PDE4D: variants seen among roughly 807,000 people sequenced by gnomAD.
PDE4D encodes the protein phosphodiesterase 4D.
PDE4D carries 24 observed loss-of-function variants against 87.4 expected under a neutral mutation model. The ratio of observed to expected loss-of-function variants is 0.27; its 90% CI spans 0.20 to 0.39. The LOEUF is 0.39. Among genes scored for constraint, PDE4D ranks in the 10% least tolerant of loss-of-function variants. The pLI is 1.00. For missense variants in PDE4D, 714 were observed against 1,041.0 expected, an observed-to-expected ratio of 0.69 and a Z score of 4.32; for synonymous variants, 384 against 383.2, an observed-to-expected ratio of 1.00 and a Z score of -0.02.
intron 1 of PDE4D, among the ~76,000 whole-genome samples, chr5:59,717,210 G>C (rs528157433): frequency 6.6e-6 from 1 of 152,240 alleles, no homozygotes; most frequent in African/African-American, 2.4e-5. Flanking sequence ...CCTGCATCCA[G>C]CCTTCATTTA....
rs565027985 is a variant in PDE4D, at chr5:59,998,038, G to C, written c.43-9321C>G. 2.0e-5 allele frequency among the ~76,000 whole-genome samples: 3 copies of C among 152,290 alleles called. No homozygotes were observed. In the South Asian group the frequency reaches 6.2e-4, roughly 32 times the overall value. ...CTCCAGCCTTGCTTCAGACAAAAAA[G>C]AATGTCTCATGTGGTCTGAGGACTC... On this transcript the variant is annotated intron_variant, in intron 2 of 16. Coordinates refer to the PDE4D transcript ENST00000502484.
Position 59,325,646 on chromosome 5 carries a change from A to G in PDE4D, c.456-109678T>C, listed in dbSNP as rs142254849. ...GTGCTGCAAATGGAACTTATTGTAT[A>G]CTTATAGTTACTTGTAAAATGAGAT... On this transcript the variant is annotated intron_variant, in intron 1 of 14. Coordinates refer to ENST00000340635, the MANE Select transcript of PDE4D (RefSeq NM_001104631.2). Among the ~76,000 whole-genome samples, 407 of 152,296 alleles carry G rather than the reference A, an allele frequency of 2.7e-3. 2 individuals carry two copies. Among genetic ancestry groups the G allele is most frequent in the African/African-American group, 8.7e-3 (361 of 41,576 alleles).
chr5:60,158,924 A>T (rs527941426), intron 2 of PDE4D, among the ~76,000 whole-genome samples: 6 of 152,312 alleles, frequency 3.9e-5, no homozygotes, highest in African/African-American at 1.4e-4. Context: ...ACCTTAGTTT[A>T]TTGTAACATG....
chr5:59,008,730 A>G (rs1390893217), intron 6 of PDE4D, among the ~76,000 whole-genome samples: 1 of 152,110 alleles, frequency 6.6e-6, no homozygotes, highest in Non-Finnish European at 1.5e-5. Flanking sequence ...AAAATGGTAT[A>G]CTGGACTTTA....
intron 3 of PDE4D, chr5:59,988,344 A>AT: frequency 1.9e-6 from 1 of 537,738 alleles, no homozygotes; most frequent in South Asian, 3.3e-5. Flanking sequence ...GTCACCTGAG[A>AT]AATTCATCCT....
chr5:59,362,255 A>G (rs1236366430), intron 1 of PDE4D, among the ~76,000 whole-genome samples: 2 of 152,172 alleles, frequency 1.3e-5, no homozygotes, highest in African/African-American at 4.8e-5. Context: ...ACTGTTAGAA[A>G]CATCTTTAAG....
At chr5:59,234,969 T>C (rs1212735121) in intron 1 of PDE4D, among the ~76,000 whole-genome samples, 4 of 152,178 alleles carry the variant, frequency 2.6e-5, no homozygotes, top group Non-Finnish European at 5.9e-5. Context: ...TTAAAAATCT[T>C]AAAATATGAC....
chr5:59,856,117 T>C (rs1745395416), intron 1 of PDE4D, among the ~76,000 whole-genome samples: 1 of 152,180 alleles, frequency 6.6e-6, no homozygotes. Context: ...AAGAATCATA[T>C]CATTTTTAGC....
chr5:58,992,458 C>T (rs187599573), intron 7 of PDE4D, among the ~76,000 whole-genome samples: 11 of 152,200 alleles, frequency 7.2e-5, no homozygotes, highest in African/African-American at 2.6e-4. Flanking sequence ...GTCATGAAAA[C>T]AGCAGTATAT....
intron 1 of PDE4D, among the ~76,000 whole-genome samples, chr5:60,437,328 G>A (rs1420087531): frequency 6.6e-6 from 1 of 152,114 alleles, no homozygotes; most frequent in African/African-American, 2.4e-5. Flanking sequence ...TTATTCATCT[G>A]TAAGGTACAA....
intron 3 of PDE4D, among the ~76,000 whole-genome samples, chr5:59,902,082 A>G (rs1027475913): frequency 2.0e-5 from 3 of 152,102 alleles, no homozygotes; most frequent in African/African-American, 7.2e-5. Context: ...ATGTTACATC[A>G]GGAAGCCATG....
intron 1 of PDE4D, among the ~76,000 whole-genome samples, chr5:59,261,118 T>A (rs1422891300): frequency 1.3e-5 from 2 of 151,864 alleles, no homozygotes; most frequent in African/African-American, 4.8e-5. Context: ...AATAATTTGA[T>A]ATTTTGTTGT....
chr5:59,676,967 C>T (rs1412975437), intron 1 of PDE4D, among the ~76,000 whole-genome samples: 1 of 151,922 alleles, frequency 6.6e-6, no homozygotes, highest in Non-Finnish European at 1.5e-5. Flanking sequence ...CTCTGTTCTC[C>T]TTTTTACTTC....
At chr5:59,053,727 G>A (rs1265365150) in intron 5 of PDE4D, among the ~76,000 whole-genome samples, 3 of 139,922 alleles carry the variant, frequency 2.1e-5, no homozygotes, top group Non-Finnish European at 4.6e-5. Flanking sequence ...AAGTCGAGGT[G>A]GGCAGATGAC....
chr5:60,443,501 C>G (rs1413358241), intron 1 of PDE4D, among the ~76,000 whole-genome samples: 1 of 151,860 alleles, frequency 6.6e-6, no homozygotes, highest in Non-Finnish European at 1.5e-5. Flanking sequence ...TTCTTTTTCC[C>G]CAGGGTAGAG....
intron 3 of PDE4D, among the ~76,000 whole-genome samples, chr5:59,980,075 T>TAC (rs1458379803): frequency 6.6e-6 from 1 of 152,208 alleles, no homozygotes; most frequent in Non-Finnish European, 1.5e-5. Context: ...CATTATGCAA[T>TAC]ACATAATAAT....
chr5:60,041,885 A>T (rs1295475992), intron 2 of PDE4D, among the ~76,000 whole-genome samples: 1 of 150,310 alleles, frequency 6.7e-6, no homozygotes, highest in Non-Finnish European at 1.5e-5. Context: ...CTGTTTGGGC[A>T]GACACCGAGC....
chr5:59,561,331 A>G (rs1819942765), intron 1 of PDE4D, among the ~76,000 whole-genome samples: 1 of 152,164 alleles, frequency 6.6e-6, no homozygotes, highest in Non-Finnish European at 1.5e-5. Context: ...TATTCAAGTA[A>G]TGGAGATATT....
rs201920962 is a variant in PDE4D at position 60,148,458 on chromosome 5, T to C, written c.42+37099A>G. Among the ~76,000 whole-genome samples the C allele has an allele frequency of 3.3e-5, 5 of 152,356 alleles. No homozygotes were observed. In the East Asian group the frequency reaches 9.6e-4, roughly 29 times the overall value. On this transcript the variant is annotated intron_variant, in intron 2 of 16. Transcript: ENST00000502484. Reference sequence around the variant, plus strand: ...AGTGTATGGAAGAATATAGGTTAAATATTAACACTATACCATTTTATGTAA... The same window carrying C: ...AGTGTATGGAAGAATATAGGTTAAACATTAACACTATACCATTTTATGTAA...
Sources: gnomAD v4.1 joint callset for allele counts (sites outside exome capture counted in the v4.1 genomes callset) on GRCh38, gnomAD v4.1.1 for gene constraint, MANE v1.5 for transcripts, NCBI Gene and HGNC (gene_info 2026-07-23, HGNC 2026-07-21) for gene names.